FRMD4A: variants seen among roughly 807,000 people sequenced by gnomAD.
The protein encoded by FRMD4A is FERM domain-containing protein 4A.
In FRMD4A, 29 loss-of-function variants were observed where a neutral mutation model predicts 129.1. The observed-to-expected ratio is 0.22, with a 90% CI of 0.17 to 0.31. The LOEUF is 0.31. FRMD4A is among the 10% of genes least tolerant of loss of function. The probability of loss-of-function intolerance (pLI) is 1.00; values close to 1 mark genes in which losing one functional copy is unlikely to be tolerated. For synonymous variants in FRMD4A, 634 were observed against 571.6 expected, an observed-to-expected ratio of 1.11 and a Z score of -1.56; for missense variants, 1,272 against 1,375.8, an observed-to-expected ratio of 0.92 and a Z score of 1.19.
intron 4 of FRMD4A, among the ~76,000 whole-genome samples, chr10:13,797,119 A>G (rs1313804836): frequency 6.6e-6 from 1 of 152,204 alleles, no homozygotes; most frequent in Admixed American, 6.5e-5. Context: ...TGAGGGGAAG[A>G]ATAGGAACTG....
At chr10:14,087,126 G>T (rs1836328529) in intron 2 of FRMD4A, among the ~76,000 whole-genome samples, 1 of 151,436 alleles carries the variant, frequency 6.6e-6, no homozygotes, top group African/African-American at 2.4e-5. Context: ...CATGTGGTTT[G>T]GTGTGTGTGG....
chr10:14,208,033 C>A (rs953781897), intron 2 of FRMD4A, among the ~76,000 whole-genome samples: 1 of 151,926 alleles, frequency 6.6e-6, no homozygotes, highest in African/African-American at 2.4e-5. Context: ...TTCATCTCTA[C>A]AGAAAATGCA....
intron 12 of FRMD4A, among the ~76,000 whole-genome samples, chr10:13,712,615 C>CT (rs2088139522): frequency 6.6e-6 from 1 of 152,102 alleles, no homozygotes; most frequent in African/African-American, 2.4e-5. Flanking sequence ...TTCCTTGAGA[C>CT]TATGTCTGTC....
chr10:14,022,999 G>A (rs975844512), intron 2 of FRMD4A, among the ~76,000 whole-genome samples: 5 of 152,108 alleles, frequency 3.3e-5, no homozygotes, highest in African/African-American at 1.2e-4. Flanking sequence ...ACCCCCAAGA[G>A]TGACTCCACA....
chr10:13,837,205 G>C (rs938526999), intron 3 of FRMD4A, among the ~76,000 whole-genome samples: 7 of 152,168 alleles, frequency 4.6e-5, no homozygotes, highest in Admixed American at 4.6e-4. Flanking sequence ...TTTCCTCAAG[G>C]GGGTTGCTCT....
At chr10:14,176,822 C>T (rs1306747179) in intron 2 of FRMD4A, among the ~76,000 whole-genome samples, 1 of 152,144 alleles carries the variant, frequency 6.6e-6, no homozygotes, top group Non-Finnish European at 1.5e-5. Context: ...GACCCTTCCT[C>T]TATCTCCCCA....
At chr10:14,316,402 C>A (rs1793488770) in intron 2 of FRMD4A, among the ~76,000 whole-genome samples, 1 of 150,898 alleles carries the variant, frequency 6.6e-6, no homozygotes, top group Non-Finnish European at 1.5e-5. Context: ...AGGGCCTCCC[C>A]AGATGCCCAT....
intron 22 of FRMD4A, chr10:13,654,727 C>T (rs2081991475): frequency 1.1e-5 from 6 of 570,882 alleles, no homozygotes; most frequent in Non-Finnish European, 1.9e-5. Context: ...GCATCCCACC[C>T]ATTCCATTTT....
At chr10:13,765,610 G>A (rs2092260733) in intron 6 of FRMD4A, among the ~76,000 whole-genome samples, 1 of 152,178 alleles carries the variant, frequency 6.6e-6, no homozygotes, top group Non-Finnish European at 1.5e-5. Flanking sequence ...AAGAACTCAT[G>A]AGAGCCTACG....
chr10:14,323,282 C>G (rs925486559), intron 2 of FRMD4A, among the ~76,000 whole-genome samples: 5 of 152,300 alleles, frequency 3.3e-5, no homozygotes, highest in Non-Finnish European at 7.4e-5. Flanking sequence ...GAAGGGACTA[C>G]TAGTATATAC....
chr10:14,045,802 A>C (rs1833967548), intron 2 of FRMD4A, among the ~76,000 whole-genome samples: 1 of 145,864 alleles, frequency 6.9e-6, no homozygotes, highest in Non-Finnish European at 1.5e-5. Context: ...TGATATAATT[A>C]TATAGAATAG....
intron 2 of FRMD4A, among the ~76,000 whole-genome samples, chr10:13,942,791 G>A (rs1158264797): frequency 6.6e-6 from 1 of 152,026 alleles, no homozygotes; most frequent in African/African-American, 2.4e-5. Context: ...AAATTAGCTG[G>A]GCGTGGTGGC....
intron 2 of FRMD4A, among the ~76,000 whole-genome samples, chr10:13,895,908 A>T (rs1485738935): frequency 6.6e-6 from 1 of 152,228 alleles, no homozygotes; most frequent in Non-Finnish European, 1.5e-5. Context: ...GCCAACAAAC[A>T]TATGAAAAAA....
chr10:14,181,736 G>A (rs950772666), intron 2 of FRMD4A, among the ~76,000 whole-genome samples: 1 of 152,106 alleles, frequency 6.6e-6, no homozygotes, highest in Non-Finnish European at 1.5e-5. Context: ...TGTTGTCCAG[G>A]CTGGAGTGCA....
chr10:14,196,842 A>C (rs561420541), intron 2 of FRMD4A, among the ~76,000 whole-genome samples: 1 of 152,310 alleles, frequency 6.6e-6, no homozygotes, highest in East Asian at 1.9e-4. Flanking sequence ...GTCCAGTCGT[A>C]GTTCTCTAAA....
At chr10:14,007,434 T>C (rs970209524) in intron 2 of FRMD4A, 1 of 152,386 alleles carries the variant, frequency 6.6e-6, no homozygotes, top group Admixed American at 6.5e-5. Context: ...TTATTATTAC[T>C]TTATAGGATT....
chr10:13,971,104 A>T (rs2095515194), intron 2 of FRMD4A, among the ~76,000 whole-genome samples: 2 of 152,184 alleles, frequency 1.3e-5, no homozygotes, highest in Non-Finnish European at 2.9e-5. Context: ...TCACACACAC[A>T]CACGTGCACA....
intron 2 of FRMD4A, among the ~76,000 whole-genome samples, chr10:14,202,135 C>T (rs12260327): frequency 2.2e-5 from 1 of 45,194 alleles, no homozygotes; most frequent in African/African-American, 5.3e-5. Context: ...AAGAATCCGT[C>T]TCAAGAAAAA....
At position 14,133,028 on chromosome 10, in the gene FRMD4A, G is replaced by A. The variant is rs12355702; in HGVS notation, c.45+197030C>T. ...CCATCATCAGTAAGATCAGAATAAG[G>A]ATAATATCAGTGAAGTAAGAGTAAG... On this transcript the variant is annotated intron_variant, in intron 2 of 24. Transcript: ENST00000357447. Among the ~76,000 whole-genome samples the A allele has an allele frequency of 5.0e-3, 767 of 152,288 alleles. 2 individuals are homozygous for A. Among genetic ancestry groups the A allele is most frequent in the Non-Finnish European group, 8.3e-3 (563 of 68,022 alleles).
Sources: allele counts gnomAD v4.1 joint callset (sites outside exome capture counted in the v4.1 genomes callset), GRCh38; gene constraint gnomAD v4.1.1; transcripts MANE v1.5; gene names NCBI Gene and HGNC (gene_info 2026-07-23, HGNC 2026-07-21).